Variants in RHCG observed in about 807,000 individuals in gnomAD.
RHCG encodes the protein ammonium transporter Rh type C.
RHCG carries 39 observed loss-of-function variants against 55.3 expected under a neutral mutation model. The observed-to-expected ratio is 0.70, with a 90% CI of 0.55 to 0.92. The LOEUF (loss-of-function observed/expected upper bound fraction) is 0.92, where lower values mean the gene tolerates loss of function less well. RHCG is among the 40% of genes least tolerant of loss of function. RHCG has a pLI of 0.00. For synonymous variants in RHCG, 250 were observed against 246.8 expected, an observed-to-expected ratio of 1.01 and a Z score of -0.12; for missense variants, 635 against 627.9, an observed-to-expected ratio of 1.01 and a Z score of -0.12.
Position 89,474,916 on chromosome 15 carries a change from TCCTG to T in RHCG, c.1311+1835_1311+1838del, listed in dbSNP as rs1208045562. The stretch of plus-strand genomic sequence containing the variant: ...TTCCTTCCTTCCTGCCTGCCTTCCT[TCCTG>T]CCTGCCTGCCTTCCTGCCTTCCTGC... On this transcript the variant is annotated intron_variant, in intron 9 of 10. Coordinates refer to ENST00000268122, the MANE Select transcript of RHCG (RefSeq NM_016321.3). 3.4e-4 allele frequency among the ~76,000 whole-genome samples: 44 copies of T among 131,158 alleles called. 1 individual carries two copies. The East Asian group carries it at 4.8e-3, about 14-fold the overall frequency. 86.0% of individuals were successfully genotyped at this position (131,158 alleles called of 152,430 possible). A position where few individuals can be genotyped will look rare whatever the true frequency, so the allele number is the denominator to read the frequency against.
chr15:89,491,565 G>A (rs775633432), intron 1 of RHCG, among the ~76,000 whole-genome samples: 2 of 152,084 alleles, frequency 1.3e-5, no homozygotes, highest in Admixed American at 6.6e-5. Flanking sequence ...TCAGGAGTTC[G>A]AGACCAGCCT....
At chr15:89,493,251 C>T (rs1961509154) in intron 1 of RHCG, among the ~76,000 whole-genome samples, 1 of 152,214 alleles carries the variant, frequency 6.6e-6, no homozygotes, top group African/African-American at 2.4e-5. Context: ...GCCCTGGTGG[C>T]TCCTCCTTGG....
rs1961569635 is a variant in RHCG at position 89,496,459 on chromosome 15, A to G, written c.86T>C (p.Phe29Ser). Residue 29 changes from phenylalanine to serine, a missense_variant, in exon 1 of 11, where the codon TTC becomes TCC. Transcript: ENST00000268122. ...GTCGGCCTCGAAGTCGTAGCGCACGAACACCCCGAAGAGAATCACCATAAT... is the reference window on the plus strand; with the variant it reads ...GTCGGCCTCGAAGTCGTAGCGCACGGACACCCCGAAGAGAATCACCATAAT... ...QVIMVILFGV[F>S]VRYDFEADAH... The G allele has an allele frequency of 6.2e-7, 1 of 1,613,906 alleles. No individual in the cohort carries two copies. The highest frequency in any genetic ancestry group is 8.5e-7 in the Non-Finnish European group (1 of 1,179,966).
chr15:89,479,659 T>C, intron 4 of RHCG, 171 bp from the exon 5 acceptor site: 1 of 627,950 alleles, frequency 1.6e-6, no homozygotes, highest in Non-Finnish European at 2.7e-6. Context: ...CCTCCCTGCC[T>C]TCCTTACCCC....
Position 89,496,489 on chromosome 15 carries a change from T to A in RHCG, c.56A>T (p.Gln19Leu), listed in dbSNP as rs200634957. The A allele has an allele frequency of 3.1e-6, 5 of 1,613,630 alleles. No individual in the cohort carries two copies. The East Asian group carries it at 1.1e-4, about 36-fold the overall frequency. Residue 19 changes from glutamine to leucine, a missense_variant, in exon 1 of 11, where the codon CAG becomes CTG. Transcript: ENST00000268122. ...WRLPLTCLLL[Q>L]VIMVILFGVF... ...CCCGAAGAGAATCACCATAATCACC[T>A]GCAGGAGCAGGCAGGTGAGCGGCAG... is the stretch of plus-strand genomic sequence containing the variant.
intron 9 of RHCG, among the ~76,000 whole-genome samples, chr15:89,474,594 T>A (rs932957864): frequency 6.6e-6 from 1 of 152,208 alleles, no homozygotes; most frequent in Non-Finnish European, 1.5e-5. Context: ...AAGCCCAGAT[T>A]GTGGCATGTT....
intron 1 of RHCG, among the ~76,000 whole-genome samples, chr15:89,495,138 C>T (rs1220955304): frequency 6.6e-6 from 1 of 152,212 alleles, no homozygotes; most frequent in Non-Finnish European, 1.5e-5. Context: ...CACCCCTTAT[C>T]TGTTACTTCC....
intron 1 of RHCG, among the ~76,000 whole-genome samples, chr15:89,488,813 T>C (rs1048226451): frequency 6.6e-6 from 1 of 151,732 alleles, no homozygotes; most frequent in Non-Finnish European, 1.5e-5. Context: ...ATTGGGTCCA[T>C]TGAGAAAATC....
intron 1 of RHCG, among the ~76,000 whole-genome samples, 178 bp from the exon 2 acceptor site, chr15:89,487,163 G>T (rs568557293): frequency 4.6e-4 from 70 of 152,288 alleles, no homozygotes; most frequent in African/African-American, 1.7e-3. Flanking sequence ...CCCTGGGGCT[G>T]GGCAAGGTAA....
At chr15:89,488,190 A>C (rs1053751761) in intron 1 of RHCG, among the ~76,000 whole-genome samples, 1 of 152,224 alleles carries the variant, frequency 6.6e-6, no homozygotes, top group Non-Finnish European at 1.5e-5. Flanking sequence ...TAAAACCATT[A>C]AAAAAGGAAC....
intron 1 of RHCG, among the ~76,000 whole-genome samples, chr15:89,496,073 A>G (rs1961560082): frequency 6.6e-6 from 1 of 152,216 alleles, no homozygotes. Context: ...GGATCTTCTT[A>G]GTATACCAAG....
In RHCG at chr15:89,480,268, G is replaced by T; in HGVS notation, c.663C>A (p.Ala221=). ...CATGATGGCAGTTCTCACCAATCATGGCAAAGAGGTCCGACTGGTACACAG... is the reference window on the plus strand; with the variant it reads ...CATGATGGCAGTTCTCACCAATCATTGCAAAGAGGTCCGACTGGTACACAG... ...QNSVYQSDLF[A]MIGTLFLWMY... The change falls in exon 4 of 11, where the codon GCC becomes GCA. Residue 221 remains alanine, a synonymous_variant. Transcript: ENST00000268122. 1 of 1,614,004 alleles carries T rather than the reference G, an allele frequency of 6.2e-7. No individual in the cohort carries two copies. Among genetic ancestry groups the T allele is most frequent in the South Asian group, 1.1e-5 (1 of 91,040 alleles).
In RHCG at chr15:89,496,563, C is replaced by A. The variant is rs1171997669; in HGVS notation, c.-19G>T. On this transcript the variant is annotated 5_prime_UTR_variant, in exon 1 of 11. Coordinates refer to ENST00000268122, the MANE Select transcript of RHCG (RefSeq NM_016321.3). ...AGGCCATGCTGCAGGGGTGCCTGGCCGGGCTGGCAGCGGGCGGTTCGGACG... is the reference window on the plus strand; with the variant it reads ...AGGCCATGCTGCAGGGGTGCCTGGCAGGGCTGGCAGCGGGCGGTTCGGACG... 1 of 1,601,114 alleles carries A rather than the reference C, an allele frequency of 6.2e-7. No individual in the cohort carries two copies. Among genetic ancestry groups the A allele is most frequent in the African/African-American group, 1.3e-5 (1 of 74,528 alleles).
chr15:89,476,949 TC>T, intron 8 of RHCG, 121 bp from the exon 9 acceptor site: 3 of 1,542,044 alleles, frequency 1.9e-6, no homozygotes, highest in Non-Finnish European at 2.7e-6. Flanking sequence ...ATTGTCCCAG[TC>T]CTGTAGCCAG....
At chr15:89,490,503 C>T (rs1435344914) in intron 1 of RHCG, among the ~76,000 whole-genome samples, 5 of 152,226 alleles carry the variant, frequency 3.3e-5, no homozygotes. Context: ...CAGGGTTTAT[C>T]ACATTTCTAA....
chr15:89,486,212 T>A (rs922236362), intron 2 of RHCG: 3 of 455,870 alleles, frequency 6.6e-6, no homozygotes, highest in African/African-American at 2.0e-5. Flanking sequence ...CACAGCTGTT[T>A]CCAGCACCTG....
At position 89,486,810 on chromosome 15, in the gene RHCG, C is replaced by T. The variant is rs1208928680; in HGVS notation, c.360G>A (p.Val120=). ...CGCCCTGCGCTCACTTCTCCACGCC[C>T]ACGACGATGTAGCGGTCTTGTAAGA... The part of the protein sequence containing the change: ...FHFLQDRYIV[V]GVENLINADF... Residue 120 remains valine (V), a synonymous_variant, in exon 2 of 11, where the codon GTG becomes GTA. Transcript: ENST00000268122. The T allele has an allele frequency of 3.1e-6, 5 of 1,590,768 alleles. No homozygotes were observed. The highest frequency in any genetic ancestry group is 4.3e-6 in the Non-Finnish European group (5 of 1,163,068).
chr15:89,476,282 C>T (rs936302267), intron 9 of RHCG, among the ~76,000 whole-genome samples: 10 of 152,164 alleles, frequency 6.6e-5, no homozygotes, highest in African/African-American at 2.4e-4. Flanking sequence ...GTTGCCCAGG[C>T]TAGTCTCAAA....
Position 89,471,860 on chromosome 15 carries a change from A to C in RHCG, c.*25-5T>G, listed in dbSNP as rs554045555. On this transcript the variant is annotated splice_polypyrimidine_tract_variant and splice_region_variant and intron_variant, in intron 10 of 10. Coordinates refer to ENST00000268122, the MANE Select transcript of RHCG (RefSeq NM_016321.3). ...CCCCAGGACAGTCTGTGGAGCCTGC[A>C]GGGAGACAGCCAAGAGCAGCGGGTC... The C allele has an allele frequency of 2.0e-5, 3 of 152,640 alleles. No individual in the cohort carries two copies. Among genetic ancestry groups the C allele is most frequent in the African/African-American group, 7.2e-5 (3 of 41,592 alleles). The allele number at this position is 152,640 out of a possible 1,614,324, so 9.5% of individuals were successfully genotyped here.
Sources: allele counts gnomAD v4.1 joint callset (sites outside exome capture counted in the v4.1 genomes callset), GRCh38; gene constraint gnomAD v4.1.1; transcripts MANE v1.5; gene names NCBI Gene and HGNC (gene_info 2026-07-23, HGNC 2026-07-21).